KLHL29: variants seen among roughly 807,000 people sequenced by gnomAD.
KLHL29 encodes kelch-like protein 29.
In KLHL29, 21 loss-of-function variants were observed where a neutral mutation model predicts 80.4. The observed-to-expected ratio is 0.26, with a 90% confidence interval of 0.19 to 0.38. The LOEUF is 0.38. KLHL29 is among the 10% of genes least tolerant of loss of function. KLHL29 has a pLI of 1.00. For synonymous variants in KLHL29, 511 were observed against 526.8 expected, an observed-to-expected ratio of 0.97 and a Z score of 0.41; for missense variants, 867 against 1,223.9, an observed-to-expected ratio of 0.71 and a Z score of 4.35.
intron 3 of KLHL29, among the ~76,000 whole-genome samples, chr2:23,621,890 TC>T (rs1328695991): frequency 6.6e-6 from 1 of 152,024 alleles, no homozygotes; most frequent in Admixed American, 6.5e-5. Flanking sequence ...CTACCACATA[TC>T]CCTGGGAGCG....
intron 3 of KLHL29, among the ~76,000 whole-genome samples, chr2:23,629,854 T>C (rs1208709196): frequency 6.6e-6 from 1 of 151,856 alleles, no homozygotes; most frequent in Non-Finnish European, 1.5e-5. Context: ...CCAACAATCC[T>C]GAGAGAGGGA....
intron 7 of KLHL29, among the ~76,000 whole-genome samples, chr2:23,692,374 C>T (rs1360242607): frequency 6.6e-6 from 1 of 152,210 alleles, no homozygotes; most frequent in African/African-American, 2.4e-5. Flanking sequence ...CAGGAGCTCC[C>T]GGGGGGGTCG....
At chr2:23,519,264 C>T (rs73919732) in intron 2 of KLHL29, among the ~76,000 whole-genome samples, 101 of 152,294 alleles carry the variant, frequency 6.6e-4, no homozygotes, top group African/African-American at 2.3e-3. Context: ...CTTCTTCCAG[C>T]CAGATCCAGC....
intron 5 of KLHL29, among the ~76,000 whole-genome samples, chr2:23,648,915 C>T (rs1670012294): frequency 6.6e-6 from 1 of 152,200 alleles, no homozygotes; most frequent in African/African-American, 2.4e-5. Context: ...GTCTCTAAGC[C>T]TCAGTTTCCA....
chr2:23,551,923 T>C (rs190129570), intron 2 of KLHL29, among the ~76,000 whole-genome samples: 9 of 152,374 alleles, frequency 5.9e-5, no homozygotes, highest in African/African-American at 1.9e-4. Flanking sequence ...TAGGCCACTA[T>C]GCCCAGCCCT....
chr2:23,656,743 G>A (rs1167495174), intron 5 of KLHL29, among the ~76,000 whole-genome samples: 2 of 152,122 alleles, frequency 1.3e-5, no homozygotes, highest in African/African-American at 2.4e-5. Flanking sequence ...GAGGTGAGGT[G>A]GAGCCAGGAT....
intron 1 of KLHL29, among the ~76,000 whole-genome samples, chr2:23,392,566 A>G (rs1666344850): frequency 6.6e-6 from 1 of 152,222 alleles, no homozygotes; most frequent in Admixed American, 6.5e-5. Flanking sequence ...TACATATATT[A>G]TCTCTAATCC....
At chr2:23,482,915 G>C (rs1664839622) in intron 2 of KLHL29, among the ~76,000 whole-genome samples, 1 of 152,224 alleles carries the variant, frequency 6.6e-6, no homozygotes, top group East Asian at 1.9e-4. Flanking sequence ...CTAGGTCTGG[G>C]ATCCAGAGAG....
chr2:23,507,096 C>T (rs1052974590), intron 2 of KLHL29: 3 of 449,272 alleles, frequency 6.7e-6, no homozygotes, highest in East Asian at 7.3e-5. Context: ...GCCGCATTTC[C>T]TCAGGCTCAA....
intron 1 of KLHL29, among the ~76,000 whole-genome samples, chr2:23,419,715 G>C (rs1662729614): frequency 6.6e-6 from 1 of 152,180 alleles, no homozygotes; most frequent in South Asian, 2.1e-4. Context: ...TCAGTGCTGA[G>C]GCCCGTGTCG....
chr2:23,696,155 G>A lies in KLHL29; in HGVS notation c.1924+22G>A, dbSNP rs188852378. 4 of 1,546,388 alleles carry A rather than the reference G, an allele frequency of 2.6e-6. No homozygotes were observed. Among genetic ancestry groups the A allele is most frequent in the African/African-American group, 1.4e-5 (1 of 73,086 alleles). Reference sequence around the variant, plus strand: ...TCAGGTGAGGCCCCCCGGGGTTGGGGCGGGACCAGGCATGGGGGTCCCAAG... The same window carrying A: ...TCAGGTGAGGCCCCCCGGGGTTGGGACGGGACCAGGCATGGGGGTCCCAAG... On this transcript the variant is annotated intron_variant, in intron 10 of 13. Transcript: ENST00000486442. The surrounding 1 kb of genome is among the most constrained non-coding windows in gnomAD (Gnocchi z 5.5).
chr2:23,657,384 G>A (rs1670276265), intron 5 of KLHL29, among the ~76,000 whole-genome samples: 1 of 151,968 alleles, frequency 6.6e-6, no homozygotes, highest in African/African-American at 2.4e-5. Flanking sequence ...TGATTTATTT[G>A]GGCACATAAG....
Position 23,706,478 on chromosome 2 carries a change from C to T in KLHL29, c.2445-3C>T. The T allele has an allele frequency of 6.7e-7, 1 of 1,493,676 alleles. No homozygotes were observed. Among genetic ancestry groups the T allele is most frequent in the South Asian group, 1.3e-5 (1 of 76,246 alleles). 92.5% of individuals were successfully genotyped at this position (1,493,676 alleles called of 1,614,324 possible). A position where few individuals can be genotyped will look rare whatever the true frequency, so the allele number is the denominator to read the frequency against. ...TAACTCTGTCCCCGCTTTCCCCCAA[C>T]AGTGCTGTGGTGCTTGATGGCAAGA... On this transcript the variant is annotated splice_polypyrimidine_tract_variant and splice_region_variant and intron_variant, in intron 13 of 13. Transcript: ENST00000486442.
chr2:23,679,038 A>G (rs563486934), intron 5 of KLHL29, among the ~76,000 whole-genome samples: 1 of 128,902 alleles, frequency 7.8e-6, no homozygotes, highest in South Asian at 2.9e-4. Flanking sequence ...AAATGGGTAC[A>G]TTTTACCACA....
Position 23,658,462 on chromosome 2 carries a change from A to G in KLHL29, c.940+15612A>G, listed in dbSNP as rs184815979. On this transcript the variant is annotated intron_variant, in intron 5 of 13. Transcript: ENST00000486442. ...CATTCGGGCTCCCCACAAGGCTCACAGAAGCACCCCCCAGCTGCTCAGCAC... is the reference window on the plus strand; with the variant it reads ...CATTCGGGCTCCCCACAAGGCTCACGGAAGCACCCCCCAGCTGCTCAGCAC... Among the ~76,000 whole-genome samples the G allele has an allele frequency of 3.3e-5, 5 of 152,288 alleles. No individual in the cohort carries two copies. In the East Asian group the frequency reaches 9.7e-4, roughly 29 times the overall value.
chr2:23,668,325 T>C (rs568395626), intron 5 of KLHL29: 2 of 152,428 alleles, frequency 1.3e-5, no homozygotes, highest in South Asian at 4.1e-4. Context: ...TGCCAGGCAC[T>C]GGGGTGCAGA....
intron 2 of KLHL29, among the ~76,000 whole-genome samples, chr2:23,532,937 G>C (rs548852070): frequency 6.6e-6 from 1 of 152,240 alleles, no homozygotes; most frequent in East Asian, 1.9e-4. Flanking sequence ...GAGGAGCTCA[G>C]CTGGCGGTGA....
intron 2 of KLHL29, chr2:23,524,320 C>G: frequency 4.9e-6 from 1 of 202,126 alleles, no homozygotes; most frequent in East Asian, 1.2e-4. Context: ...CTGGGCCGGC[C>G]TTGGCTCGGA....
chr2:23,506,024 C>T (rs1366862759), intron 2 of KLHL29, among the ~76,000 whole-genome samples: 1 of 152,220 alleles, frequency 6.6e-6, no homozygotes, highest in Non-Finnish European at 1.5e-5. Context: ...CCACGAGGAC[C>T]ATGCTGGGGC....
Sources: gnomAD v4.1 joint callset for allele counts (sites outside exome capture counted in the v4.1 genomes callset) on GRCh38, gnomAD v4.1.1 for gene constraint, Gnocchi (gnomAD v3.1) non-coding constraint, MANE v1.5 for transcripts, NCBI Gene and HGNC (gene_info 2026-07-23, HGNC 2026-07-21) for gene names.